Variants in SNX8 observed in about 807,000 individuals in gnomAD.
SNX8 encodes sorting nexin-8.
A neutral mutation model predicts 51.6 loss-of-function variants in SNX8; 25 were observed. The ratio of observed to expected loss-of-function variants is 0.48; its 90% confidence interval spans 0.35 to 0.68. The LOEUF (loss-of-function observed/expected upper bound fraction) is 0.68. Among genes scored for constraint, SNX8 ranks in the 30% least tolerant of loss-of-function variants. The probability of loss-of-function intolerance (pLI) is 0.00; values close to 1 mark genes in which losing one functional copy is unlikely to be tolerated. For synonymous variants in SNX8, 324 were observed against 277.0 expected (o/e 1.17, Z -1.68); for missense variants, 695 against 624.0 (o/e 1.11, Z -1.21).
chr7:2,304,768 A>G (rs1796509653), intron 1 of SNX8, among the ~76,000 whole-genome samples: 1 of 152,172 alleles, frequency 6.6e-6, no homozygotes, highest in African/African-American at 2.4e-5. Flanking sequence ...ACACACAGAG[A>G]CACTCCCCAG....
At chr7:2,310,181 C>T (rs1282214755) in intron 1 of SNX8, among the ~76,000 whole-genome samples, 1 of 152,092 alleles carries the variant, frequency 6.6e-6, no homozygotes, top group African/African-American at 2.4e-5. Context: ...GACGACCAAG[C>T]ACACTTACCA....
intron 1 of SNX8, among the ~76,000 whole-genome samples, chr7:2,282,143 G>C (rs1340106554): frequency 6.6e-6 from 1 of 152,214 alleles, no homozygotes; most frequent in African/African-American, 2.4e-5. Context: ...CATTCAATAA[G>C]TGTCCCTGAC....
chr7:2,346,101 C>G (rs533532506), intron 1 of SNX8, among the ~76,000 whole-genome samples: 4 of 152,218 alleles, frequency 2.6e-5, no homozygotes, highest in East Asian at 3.9e-4. Flanking sequence ...GCCACCACAC[C>G]CAGCCTATTT....
At chr7:2,258,297 G>C (rs1387006973) in intron 7 of SNX8, among the ~76,000 whole-genome samples, 1 of 152,102 alleles carries the variant, frequency 6.6e-6, no homozygotes, top group Admixed American at 6.5e-5. Context: ...TTACAGGCGT[G>C]AGCCACCGCG....
chr7:2,318,052 A>G (rs1400256633), upstream of SNX8, among the ~76,000 whole-genome samples: 1 of 151,902 alleles, frequency 6.6e-6, no homozygotes, highest in Non-Finnish European at 1.5e-5. Flanking sequence ...CTTCCTGATC[A>G]TATTTTTATT....
At chr7:2,284,150 G>A (rs1451046391) in intron 1 of SNX8, among the ~76,000 whole-genome samples, 2 of 151,994 alleles carry the variant, frequency 1.3e-5, no homozygotes, top group Admixed American at 6.6e-5. Flanking sequence ...GGCTAGTCTC[G>A]AACTCCTGAC....
chr7:2,351,636 T>C (rs963701708), intron 1 of SNX8, among the ~76,000 whole-genome samples: 7 of 151,744 alleles, frequency 4.6e-5, no homozygotes, highest in African/African-American at 1.7e-4. Flanking sequence ...AGTGAGACCA[T>C]CCTGACTAAC....
chr7:2,265,288 T>C (rs2115105119), intron 5 of SNX8, among the ~76,000 whole-genome samples: 1 of 152,186 alleles, frequency 6.6e-6, no homozygotes, highest in South Asian at 2.1e-4. Context: ...TGCAGTGAGC[T>C]GCGATCACAC....
rs192600960 is a variant in SNX8 at position 2,293,011 on chromosome 7, C to T, written c.95-14706G>A. On this transcript the variant is annotated intron_variant, in intron 1 of 10. Transcript: ENST00000222990. The stretch of plus-strand genomic sequence containing the variant: ...CTCCAGCCCGGGTGATAGAGTAAGA[C>T]CTTATACCTAAAAATAATAAGTAAA... 2.6e-5 allele frequency among the ~76,000 whole-genome samples: 4 copies of T among 151,878 alleles called. No homozygotes were observed. In the East Asian group the frequency reaches 7.9e-4, roughly 30 times the overall value.
At chr7:2,349,263 A>G (rs903640975) in intron 1 of SNX8, among the ~76,000 whole-genome samples, 1 of 152,010 alleles carries the variant, frequency 6.6e-6, no homozygotes, top group East Asian at 1.9e-4. Context: ...TGTACATAAC[A>G]TAAAATGTAC....
intron 1 of SNX8, among the ~76,000 whole-genome samples, chr7:2,292,903 G>T (rs1796186258): frequency 6.6e-6 from 1 of 151,988 alleles, no homozygotes; most frequent in African/African-American, 2.4e-5. Flanking sequence ...CATGCTTGTA[G>T]TCCCAGCTAC....
intron 1 of SNX8, among the ~76,000 whole-genome samples, chr7:2,285,780 C>T (rs1796013214): frequency 6.6e-6 from 1 of 152,104 alleles, no homozygotes; most frequent in Non-Finnish European, 1.5e-5. Context: ...AATCCTCCCA[C>T]CTCAGCCTCC....
At chr7:2,322,123 T>C (rs1490323006) in intron 1 of SNX8, among the ~76,000 whole-genome samples, 1 of 152,176 alleles carries the variant, frequency 6.6e-6, no homozygotes, top group East Asian at 1.9e-4. Context: ...GCTTTTCATT[T>C]AGGAAAATGG....
intron 1 of SNX8, among the ~76,000 whole-genome samples, chr7:2,347,344 C>T (rs1328318782): frequency 6.6e-6 from 1 of 151,236 alleles, no homozygotes; most frequent in Non-Finnish European, 1.5e-5. Context: ...AGTCAGGCTT[C>T]GTGGTGGGCG....
At chr7:2,264,147 C>G in intron 6 of SNX8, 151 bp downstream of exon 6, 1 of 661,332 alleles carries the variant, frequency 1.5e-6, no homozygotes, top group Non-Finnish European at 2.4e-6. Flanking sequence ...ATATGACCCC[C>G]CATGTGCCTG....
intron 2 of SNX8, among the ~76,000 whole-genome samples, chr7:2,275,475 G>C (rs1795757066): frequency 6.6e-6 from 1 of 152,086 alleles, no homozygotes; most frequent in Non-Finnish European, 1.5e-5. Context: ...TGAGGCGGGT[G>C]AATCACCTGA....
rs556685041 is a variant in SNX8, at chr7:2,341,782, T to C, written c.-66+12440A>G. Among the ~76,000 whole-genome samples, 21 of 150,766 alleles carry C rather than the reference T, an allele frequency of 1.4e-4. No individual in the cohort carries two copies. The East Asian group carries it at 4.1e-3, about 30-fold the overall frequency. On this transcript the variant is annotated intron_variant, in intron 1 of 5. Coordinates refer to the SNX8 transcript ENST00000435336. ...CAGGCAGATCACCTGAGGTCAGGAG[T>C]TCAAGACCAGCCTGGCCAACATGGT...
chr7:2,253,281 A>T lies in SNX8; in HGVS notation c.*1775T>A, dbSNP rs1269051248. 1.9e-5 allele frequency: 3 copies of T among 154,440 alleles called. No homozygotes were observed. The highest frequency in any genetic ancestry group is 4.4e-5 in the Non-Finnish European group (3 of 68,386). 9.6% of individuals were successfully genotyped at this position (154,440 alleles called of 1,614,324 possible). On this transcript the variant is annotated 3_prime_UTR_variant, in exon 11 of 11. Transcript: ENST00000222990. ...CGCGTGCCTTGCCTACTCTGGAGACACAGAGGCCCCAGCACCTGATGCCCT... is the reference window on the plus strand; with the variant it reads ...CGCGTGCCTTGCCTACTCTGGAGACTCAGAGGCCCCAGCACCTGATGCCCT...
intron 1 of SNX8, among the ~76,000 whole-genome samples, chr7:2,332,775 G>A (rs1340663345): frequency 6.7e-6 from 1 of 149,612 alleles, no homozygotes; most frequent in African/African-American, 2.5e-5. Flanking sequence ...AGGAAGGAGG[G>A]AAGGAGGGAA....
Sources: gnomAD v4.1 joint callset for allele counts (sites outside exome capture counted in the v4.1 genomes callset) on GRCh38, gnomAD v4.1.1 for gene constraint, MANE v1.5 for transcripts, NCBI Gene and HGNC (gene_info 2026-07-23, HGNC 2026-07-21) for gene names.